Variants in ANO5 observed in about 807,000 individuals in gnomAD.
The protein encoded by ANO5 is anoctamin 5.
ANO5 carries 109 observed loss-of-function variants against 121.0 expected under a neutral mutation model. The ratio of observed to expected loss-of-function variants is 0.90; its 90% CI spans 0.77 to 1.06. The LOEUF (loss-of-function observed/expected upper bound fraction) is 1.06. ANO5 is among the 50% of genes least tolerant of loss of function. The pLI is 0.00. For missense variants in ANO5, 1,064 were observed against 1,078.5 expected (o/e 0.99, Z 0.19); for synonymous variants, 406 against 359.9 (o/e 1.13, Z -1.45).
intron 4 of ANO5, among the ~76,000 whole-genome samples, 161 bp from the exon 5 acceptor site, chr11:22,220,936 C>G (rs1852622281): frequency 6.6e-6 from 1 of 151,844 alleles, no homozygotes; most frequent in Non-Finnish European, 1.5e-5. Flanking sequence ...ATTGCTTAAT[C>G]TTTTATATGG....
At chr11:22,257,829 C>T (rs1358041917) in intron 14 of ANO5, 75 bp downstream of exon 14, 1 of 1,257,254 alleles carries the variant, frequency 8.0e-7, no homozygotes, top group Non-Finnish European at 1.2e-6. Flanking sequence ...GTGTTACCTA[C>T]AATGTCTCTT....
chr11:22,245,418 C>T (rs1853583336), intron 9 of ANO5, among the ~76,000 whole-genome samples: 1 of 152,180 alleles, frequency 6.6e-6, no homozygotes, highest in Non-Finnish European at 1.5e-5. Context: ...ATTTGCTCTA[C>T]TTATCTCTGG....
At chr11:22,250,423 A>C in intron 10 of ANO5, 52 bp downstream of exon 10, 2 of 1,604,348 alleles carry the variant, frequency 1.2e-6, no homozygotes, top group Non-Finnish European at 1.7e-6. Flanking sequence ...TCTTGTGCCA[A>C]ATGAAGTTGT....
At chr11:22,267,689 T>TC (rs1489314731) in intron 17 of ANO5, among the ~76,000 whole-genome samples, 1 of 151,960 alleles carries the variant, frequency 6.6e-6, no homozygotes, top group Admixed American at 6.6e-5. Context: ...CATGGGGGTT[T>TC]GTTGTATAGA....
At chr11:22,221,630 A>G (rs1472674716) in intron 5 of ANO5, among the ~76,000 whole-genome samples, 1 of 151,890 alleles carries the variant, frequency 6.6e-6, no homozygotes, top group Non-Finnish European at 1.5e-5. Flanking sequence ...ATTACACATC[A>G]CTTTATGAGC....
chr11:22,280,161 C>A lies in ANO5; in HGVS notation c.*396C>A, dbSNP rs1301671958. ...TTGGGTTATTTGATACCTCCTTCCC[C>A]ATTAAGAAAAATGTTGGGGCAAAAA... On this transcript the variant is annotated 3_prime_UTR_variant, in exon 22 of 22. Coordinates refer to ENST00000324559, the MANE Select transcript of ANO5 (RefSeq NM_213599.3). 1 of 182,946 alleles carries A rather than the reference C, an allele frequency of 5.5e-6. No individual in the cohort carries two copies. The highest frequency in any genetic ancestry group is 2.4e-5 in the African/African-American group (1 of 41,764). The allele number at this position is 182,946 out of a possible 1,614,324, so 11.3% of individuals were successfully genotyped here.
intron 8 of ANO5, among the ~76,000 whole-genome samples, chr11:22,237,787 T>C (rs574033902): frequency 6.6e-6 from 1 of 152,198 alleles, no homozygotes; most frequent in Admixed American, 6.6e-5. Context: ...AGCCTCTTCT[T>C]TTTTTCAACA....
In ANO5 at chr11:22,270,338, G is replaced by T. The variant is rs199532484; in HGVS notation, c.1925G>T (p.Arg642Leu). The change falls in exon 18 of 22, where the codon CGA becomes CTA. Residue 642 changes from arginine (R) to leucine (L), a missense_variant. Coordinates refer to ENST00000324559, the MANE Select transcript of ANO5 (RefSeq NM_213599.3). ...TTGGCTTTGAATTGGTGGAGACGCCGAAAAGCTCGGACAAACTCTGAGAAG... is the reference window on the plus strand; with the variant it reads ...TTGGCTTTGAATTGGTGGAGACGCCTAAAAGCTCGGACAAACTCTGAGAAG... The part of the protein sequence containing the change: ...YPLALNWWRR[R>L]KARTNSEKLY... The T allele has an allele frequency of 1.2e-6, 2 of 1,613,942 alleles. No individual in the cohort carries two copies. The highest frequency in any genetic ancestry group is 2.7e-5 in the African/African-American group (2 of 74,890).
chr11:22,271,862 C>G (rs887548800), intron 18 of ANO5, among the ~76,000 whole-genome samples: 1 of 152,184 alleles, frequency 6.6e-6, no homozygotes, highest in Middle Eastern at 3.4e-3. Context: ...AATACTTCCT[C>G]TTCATTTTCT....
intron 9 of ANO5, among the ~76,000 whole-genome samples, chr11:22,246,021 G>A (rs906474160): frequency 6.6e-6 from 1 of 152,014 alleles, no homozygotes; most frequent in African/African-American, 2.4e-5. Context: ...TCACAGCTGT[G>A]GGCACCCATC....
chr11:22,194,158 T>C (rs187382779), intron 1 of ANO5, among the ~76,000 whole-genome samples: 42 of 152,314 alleles, frequency 2.8e-4, no homozygotes, highest in Admixed American at 1.8e-3. Flanking sequence ...TTAGTTCCGT[T>C]GAGAAATATT....
At chr11:22,193,907 T>C (rs1244582383) in intron 1 of ANO5, among the ~76,000 whole-genome samples, 2 of 152,170 alleles carry the variant, frequency 1.3e-5, no homozygotes, top group African/African-American at 4.8e-5. Context: ...AAACGAAGGC[T>C]TTCCCAAAAA....
At chr11:22,274,422 C>A in intron 19 of ANO5, 147 bp from the exon 20 acceptor site, 1 of 779,032 alleles carries the variant, frequency 1.3e-6, no homozygotes, top group Non-Finnish European at 2.0e-6. Flanking sequence ...TGTTTCAGGA[C>A]AAAGACTTGC....
chr11:22,274,879 G>A (rs1854775232), intron 20 of ANO5, 132 bp downstream of exon 20: 5 of 1,211,052 alleles, frequency 4.1e-6, no homozygotes, highest in African/African-American at 1.5e-5. Flanking sequence ...TAAATAAAGT[G>A]TATCCATTCT....
At chr11:22,270,500 C>A in intron 18 of ANO5, 58 bp downstream of exon 18, 1 of 1,601,388 alleles carries the variant, frequency 6.2e-7, no homozygotes. Context: ...GGTTTTTCAG[C>A]TCCAGATACT....
chr11:22,265,144 A>G (rs1464717203), intron 17 of ANO5, among the ~76,000 whole-genome samples: 2 of 152,176 alleles, frequency 1.3e-5, no homozygotes, highest in East Asian at 3.8e-4. Flanking sequence ...ATAGAATTCA[A>G]TTCATACCCA....
chr11:22,206,688 G>GA (rs1400503589), intron 2 of ANO5, among the ~76,000 whole-genome samples: 6 of 151,970 alleles, frequency 3.9e-5, no homozygotes, highest in South Asian at 2.1e-4. Flanking sequence ...ATTTTTATCA[G>GA]AAAAAATATT....
At position 22,255,458 on chromosome 11, in the gene ANO5, A is replaced by G. The variant is rs1188196705; in HGVS notation, c.1268A>G (p.Gln423Arg). 5 of 1,613,598 alleles carry G rather than the reference A, an allele frequency of 3.1e-6. No individual in the cohort carries two copies. The East Asian group carries it at 1.1e-4, about 36-fold the overall frequency. ...DLVDFEEEQQQLQLRPEFEAM... is the reference protein window; with the variant it reads ...DLVDFEEEQQRLQLRPEFEAM... Reference sequence around the variant, plus strand: ...GTGGACTTTGAAGAGGAACAGCAGCAGCTTCAGCTGAGACCAGAATTTGAA... The same window carrying G: ...GTGGACTTTGAAGAGGAACAGCAGCGGCTTCAGCTGAGACCAGAATTTGAA... Residue 423 changes from glutamine (Q) to arginine (R), a missense_variant, in exon 13 of 22, where the codon CAG becomes CGG. Transcript: ENST00000324559.
chr11:22,224,789 C>T (rs527747577), intron 5 of ANO5, among the ~76,000 whole-genome samples: 5 of 151,920 alleles, frequency 3.3e-5, no homozygotes, highest in African/African-American at 4.8e-5. Context: ...ATAAAGAAAA[C>T]GTGGCAAATA....
Sources: gnomAD v4.1 joint callset for allele counts (sites outside exome capture counted in the v4.1 genomes callset) on GRCh38, gnomAD v4.1.1 for gene constraint, MANE v1.5 for transcripts, NCBI Gene and HGNC (gene_info 2026-07-23, HGNC 2026-07-21) for gene names.